The following CDH10 variants were observed in gnomAD, a reference collection of about 807,000 sequenced individuals.
CDH10 encodes the protein cadherin 10, also known as cadherin-10.
CDH10 carries 30 observed loss-of-function variants against 73.1 expected under a neutral mutation model. The ratio of observed to expected loss-of-function variants is 0.41; its 90% CI spans 0.31 to 0.56. The LOEUF is 0.56. Among genes scored for constraint, CDH10 ranks in the 20% least tolerant of loss-of-function variants. The pLI is 0.27. For missense variants in CDH10, 815 were observed against 973.7 expected (o/e 0.84, Z 2.17); for synonymous variants, 345 against 348.2 (o/e 0.99, Z 0.10).
intron 2 of CDH10, among the ~76,000 whole-genome samples, chr5:24,582,045 C>T (rs1745822059): frequency 6.6e-6 from 1 of 152,114 alleles, no homozygotes; most frequent in East Asian, 1.9e-4. Flanking sequence ...AGTACTATGA[C>T]AACTTCTGAA....
chr5:24,540,790 A>C (rs1421580619), intron 2 of CDH10, among the ~76,000 whole-genome samples: 1 of 151,960 alleles, frequency 6.6e-6, no homozygotes, highest in African/African-American at 2.4e-5. Context: ...ACTAGAATGA[A>C]GGGCAAAAAG....
At chr5:24,521,515 G>T (rs1048814748) in intron 5 of CDH10, among the ~76,000 whole-genome samples, 1 of 152,134 alleles carries the variant, frequency 6.6e-6, no homozygotes, top group Non-Finnish European at 1.5e-5. Flanking sequence ...GCTGAGGGAG[G>T]AGAAGAGAAT....
intron 1 of CDH10, among the ~76,000 whole-genome samples, chr5:24,594,886 G>A (rs72752032): frequency 0.052 from 7,895 of 151,874 alleles, 251 homozygotes; most frequent in Middle Eastern, 0.12. Flanking sequence ...CTGTATCACA[G>A]TGTATAAAAA....
intron 2 of CDH10, among the ~76,000 whole-genome samples, chr5:24,587,007 G>A (rs1452043912): frequency 6.6e-6 from 1 of 151,462 alleles, no homozygotes; most frequent in Non-Finnish European, 1.5e-5. Context: ...ACCGTGCCCG[G>A]CTAATTTTTT....
chr5:24,498,827 C>A (rs1164556060), intron 8 of CDH10, among the ~76,000 whole-genome samples: 1 of 151,270 alleles, frequency 6.6e-6, no homozygotes, highest in Non-Finnish European at 1.5e-5. Flanking sequence ...AATAAGAACA[C>A]TTACTTATTA....
At chr5:24,515,218 T>TA (rs767722038) in intron 5 of CDH10, among the ~76,000 whole-genome samples, 146 of 152,270 alleles carry the variant, frequency 9.6e-4, no homozygotes, top group Non-Finnish European at 1.6e-3. Flanking sequence ...TAAAAATAAT[T>TA]AAAAATATAC....
intron 8 of CDH10, among the ~76,000 whole-genome samples, chr5:24,500,245 T>G (rs1057126435): frequency 2.6e-5 from 4 of 152,206 alleles, no homozygotes; most frequent in African/African-American, 9.6e-5. Context: ...AATATTAAAA[T>G]CAGCACTTTA....
In CDH10 at chr5:24,518,031, G is replaced by A. The variant is rs147823181; in HGVS notation, c.815-6517C>T. Among the ~76,000 whole-genome samples, 96 of 152,280 alleles carry A rather than the reference G, an allele frequency of 6.3e-4. 3 individuals are homozygous for A. In the East Asian group the frequency reaches 0.016, roughly 25 times the overall value. ...AGACACAGACAGCTTTAACTGCTAG[G>A]GGAGAGGGTGACACTGTGGTATCCA... On this transcript the variant is annotated intron_variant, in intron 5 of 11. Transcript: ENST00000264463.
chr5:24,613,715 A>T (rs1339786897), intron 1 of CDH10, among the ~76,000 whole-genome samples: 1 of 152,118 alleles, frequency 6.6e-6, no homozygotes, highest in Non-Finnish European at 1.5e-5. Context: ...ATGGTCACTG[A>T]AGAATGAGTT....
intron 1 of CDH10, among the ~76,000 whole-genome samples, chr5:24,620,692 C>T (rs1038708537): frequency 3.3e-5 from 5 of 152,074 alleles, no homozygotes; most frequent in African/African-American, 1.2e-4. Context: ...TTTGAATATG[C>T]CAGTTGTATA....
intron 1 of CDH10, among the ~76,000 whole-genome samples, chr5:24,608,647 C>T (rs1321479647): frequency 2.0e-5 from 3 of 152,152 alleles, no homozygotes; most frequent in Non-Finnish European, 4.4e-5. Flanking sequence ...GTAAAAATTA[C>T]ATTATCCTAA....
At chr5:24,594,783 T>G (rs1464099023) in intron 1 of CDH10, among the ~76,000 whole-genome samples, 2 of 152,010 alleles carry the variant, frequency 1.3e-5, no homozygotes, top group African/African-American at 4.8e-5. Flanking sequence ...GTATACTCCA[T>G]GTATTTTATT....
At chr5:24,630,893 T>A (rs1006579140) in intron 1 of CDH10, among the ~76,000 whole-genome samples, 2 of 152,126 alleles carry the variant, frequency 1.3e-5, no homozygotes, top group African/African-American at 4.8e-5. Context: ...CTCTGCCAAG[T>A]GCTTTGTAAG....
intron 1 of CDH10, among the ~76,000 whole-genome samples, chr5:24,634,861 T>C (rs1168122041): frequency 6.6e-6 from 1 of 151,812 alleles, no homozygotes; most frequent in Non-Finnish European, 1.5e-5. Flanking sequence ...CCTGGATTTT[T>C]AAAATAAAGC....
At chr5:24,572,070 GCAAA>G (rs111525727) in intron 2 of CDH10, among the ~76,000 whole-genome samples, 2 of 151,954 alleles carry the variant, frequency 1.3e-5, no homozygotes, top group South Asian at 2.1e-4. Context: ...CAGGAAACAA[GCAAA>G]CAAACAAAAC....
chr5:24,511,545 CAGAGAGAGAGAGAG>C (rs55901211), intron 5 of CDH10, 31 bp from the exon 6 acceptor site: 13,264 of 572,060 alleles, frequency 0.023, 52 homozygotes, highest in East Asian at 0.077. Context: ...AAGAGAGAGA[CAGAGAGAGAGAGAG>C]AGAGAGAGAG....
At chr5:24,555,425 G>A (rs1744731649) in intron 2 of CDH10, among the ~76,000 whole-genome samples, 1 of 152,092 alleles carries the variant, frequency 6.6e-6, no homozygotes, top group South Asian at 2.1e-4. Flanking sequence ...TTCCATAGAT[G>A]TGGCCACTAA....
intron 1 of CDH10, among the ~76,000 whole-genome samples, chr5:24,615,663 A>G (rs1437366978): frequency 6.6e-6 from 1 of 152,242 alleles, no homozygotes; most frequent in Non-Finnish European, 1.5e-5. Flanking sequence ...GTTGGTGAAT[A>G]TAATTCCCAA....
chr5:24,613,074 A>G (rs1180694103), intron 1 of CDH10: 1 of 152,088 alleles, frequency 6.6e-6, no homozygotes, highest in Non-Finnish European at 1.5e-5. Context: ...GTACTTCCAT[A>G]TAGAAAAAAA....
Sources: gnomAD v4.1 joint callset for allele counts (sites outside exome capture counted in the v4.1 genomes callset) on GRCh38, gnomAD v4.1.1 for gene constraint, MANE v1.5 for transcripts, NCBI Gene and HGNC (gene_info 2026-07-23, HGNC 2026-07-21) for gene names.